KLF12: variants seen among roughly 807,000 people sequenced by gnomAD.
The protein encoded by KLF12 is KLF transcription factor 12.
Under a neutral mutation model 37.8 loss-of-function variants are expected in KLF12, and 9 were observed. The ratio of observed to expected loss-of-function variants is 0.24; its 90% CI spans 0.14 to 0.42. The LOEUF is 0.42. Among genes scored for constraint, KLF12 ranks in the 10% least tolerant of loss-of-function variants. The probability of loss-of-function intolerance (pLI) is 1.00; values close to 1 mark genes in which losing one functional copy is unlikely to be tolerated. For synonymous variants in KLF12, 208 were observed against 202.1 expected (o/e 1.03, Z -0.25); for missense variants, 411 against 516.0 (o/e 0.80, Z 1.97).
At chr13:73,954,976 T>A (rs1434845445) in intron 2 of KLF12, among the ~76,000 whole-genome samples, 1 of 152,220 alleles carries the variant, frequency 6.6e-6, no homozygotes, top group Admixed American at 6.5e-5. Context: ...CCTTGGAGCA[T>A]GGGCCTGATG....
chr13:74,191,788 A>C, the KLF12 span, among the ~76,000 whole-genome samples: 1 of 152,232 alleles, frequency 6.6e-6, no homozygotes, highest in African/African-American at 2.4e-5. Context: ...GGTATTTGGT[A>C]TATATAAGCT....
At chr13:74,183,225 A>G in the KLF12 span, among the ~76,000 whole-genome samples, 1 of 152,152 alleles carries the variant, frequency 6.6e-6, no homozygotes, top group South Asian at 2.1e-4. Context: ...TCATGTCTTC[A>G]GAAAGTTTGT....
the KLF12 span, among the ~76,000 whole-genome samples, chr13:74,253,655 C>T: frequency 6.6e-6 from 1 of 152,156 alleles, no homozygotes. Context: ...ACTTGCCAGC[C>T]TGTTAGAGCA....
At chr13:73,704,695 C>T (rs572516639) in intron 7 of KLF12, among the ~76,000 whole-genome samples, 1 of 152,276 alleles carries the variant, frequency 6.6e-6, no homozygotes, top group South Asian at 2.1e-4. Context: ...CACTTGTTGG[C>T]CCCATAGTAC....
At chr13:73,962,467 C>G (rs1465807399) in intron 2 of KLF12, among the ~76,000 whole-genome samples, 2 of 152,178 alleles carry the variant, frequency 1.3e-5, no homozygotes, top group African/African-American at 4.8e-5. Context: ...AGCCCTATTG[C>G]AGACTATGGA....
chr13:74,099,951 C>T (rs1395779547), intron 1 of KLF12, among the ~76,000 whole-genome samples: 1 of 152,060 alleles, frequency 6.6e-6, no homozygotes, highest in Non-Finnish European at 1.5e-5. Context: ...ATTTTGTGCC[C>T]AGCAGCACCC....
At chr13:73,743,094 C>A (rs190301418) in intron 6 of KLF12, among the ~76,000 whole-genome samples, 27 of 151,994 alleles carry the variant, frequency 1.8e-4, no homozygotes, top group African/African-American at 6.3e-4. Flanking sequence ...AATCCTGTTT[C>A]TGTTAGTTCC....
chr13:74,303,347 C>T, the KLF12 span, among the ~76,000 whole-genome samples: 641 of 152,216 alleles, frequency 4.2e-3, 8 homozygotes, highest in African/African-American at 0.015. Context: ...TTCCCATATG[C>T]TTTCACATCC....
At position 74,087,859 on chromosome 13, in the gene KLF12, G is replaced by T. The variant is rs1330050307; in HGVS notation, c.-32+45880C>A. 5.9e-5 allele frequency among the ~76,000 whole-genome samples: 9 copies of T among 151,990 alleles called. No homozygotes were observed. The East Asian group carries it at 1.7e-3, about 29-fold the overall frequency. ...ATTGTGTAAAAGAAGCCAGAACTGGGCTATCAAAGAAGCCCAACTGATGTA... is the reference window on the plus strand; with the variant it reads ...ATTGTGTAAAAGAAGCCAGAACTGGTCTATCAAAGAAGCCCAACTGATGTA... On this transcript the variant is annotated intron_variant, in intron 1 of 7. Transcript: ENST00000377669.
intron 1 of KLF12, among the ~76,000 whole-genome samples, chr13:74,087,395 C>A (rs1391226766): frequency 2.0e-5 from 3 of 151,708 alleles, no homozygotes; most frequent in Non-Finnish European, 4.4e-5. Context: ...TGCCCCTGGG[C>A]TCTAAGAGGA....
At chr13:73,764,889 A>G (rs763838970) in intron 6 of KLF12, 49 bp downstream of exon 6, 2 of 1,053,372 alleles carry the variant, frequency 1.9e-6, no homozygotes, top group African/African-American at 3.1e-5. Flanking sequence ...AAGCCCTATT[A>G]AAGTTTCCCG....
intron 2 of KLF12, among the ~76,000 whole-genome samples, chr13:73,958,242 T>C (rs1890906670): frequency 6.6e-6 from 1 of 152,112 alleles, no homozygotes; most frequent in Non-Finnish European, 1.5e-5. Flanking sequence ...TAATTTTTTT[T>C]AACTTTTTTT....
At chr13:73,698,456 TA>T (rs1224233862) in intron 7 of KLF12, among the ~76,000 whole-genome samples, 11 of 152,148 alleles carry the variant, frequency 7.2e-5, no homozygotes, top group African/African-American at 2.7e-4. Context: ...ATTTCTTCCT[TA>T]AAATGATACC....
chr13:74,264,435 C>A, the KLF12 span, among the ~76,000 whole-genome samples: 1 of 152,164 alleles, frequency 6.6e-6, no homozygotes, highest in Non-Finnish European at 1.5e-5. Context: ...CTTATCCCCT[C>A]TTCAGCTTCT....
chr13:74,020,645 C>G (rs973308105), intron 1 of KLF12, among the ~76,000 whole-genome samples: 1 of 152,016 alleles, frequency 6.6e-6, no homozygotes, highest in Non-Finnish European at 1.5e-5. Flanking sequence ...AATCCCAGCA[C>G]TTTGGGAGGC....
chr13:74,125,144 C>A (rs1219772021), intron 1 of KLF12, among the ~76,000 whole-genome samples: 102 of 121,470 alleles, frequency 8.4e-4, no homozygotes, highest in East Asian at 1.9e-3. Context: ...GACTCCGTTT[C>A]AAAAAAAAAA....
intron 6 of KLF12, among the ~76,000 whole-genome samples, chr13:73,740,184 G>C (rs976988860): frequency 1.3e-5 from 2 of 152,228 alleles, no homozygotes; most frequent in African/African-American, 4.8e-5. Context: ...GGTCATAGGG[G>C]TGGAGCCCTC....
intron 6 of KLF12, among the ~76,000 whole-genome samples, chr13:73,717,031 TA>T (rs1875868573): frequency 6.6e-6 from 1 of 152,228 alleles, no homozygotes; most frequent in African/African-American, 2.4e-5. Context: ...TGTAAAGGGC[TA>T]GATAGTAAAT....
At chr13:73,751,573 CAAAT>C (rs1315758052) in intron 6 of KLF12, among the ~76,000 whole-genome samples, 2 of 152,066 alleles carry the variant, frequency 1.3e-5, no homozygotes, top group Non-Finnish European at 2.9e-5. Flanking sequence ...CTCATTTGAT[CAAAT>C]AAATGTGGGT....
Sources: gnomAD v4.1 joint callset for allele counts (sites outside exome capture counted in the v4.1 genomes callset) on GRCh38, gnomAD v4.1.1 for gene constraint, MANE v1.5 for transcripts, NCBI Gene and HGNC (gene_info 2026-07-23, HGNC 2026-07-21) for gene names.